The following MGAT5B variants were observed in gnomAD, a reference collection of about 807,000 sequenced individuals.
MGAT5B encodes the protein N-acetylglucosaminyl-transferase Vb.
MGAT5B carries 54 observed loss-of-function variants against 95.1 expected under a neutral mutation model. The observed-to-expected ratio is 0.57, with a 90% CI of 0.46 to 0.71. MGAT5B has a LOEUF of 0.71. Among genes scored for constraint, MGAT5B ranks in the 30% least tolerant of loss-of-function variants. The pLI, the probability that MGAT5B is intolerant of heterozygous loss-of-function variation, is 0.00. For synonymous variants in MGAT5B, 464 were observed against 451.0 expected, an observed-to-expected ratio of 1.03 and a Z score of -0.36; for missense variants, 935 against 1,088.6, an observed-to-expected ratio of 0.86 and a Z score of 1.99.
Position 76,906,156 on chromosome 17 carries a change from C to A in MGAT5B, c.994C>A (p.Arg332=), listed in dbSNP as rs751029852. 2 of 1,605,224 alleles carry A rather than the reference C, an allele frequency of 1.2e-6. No homozygotes were observed. The highest frequency in any genetic ancestry group is 1.7e-6 in the Non-Finnish European group (2 of 1,176,486). Residue 332 remains arginine (R), a synonymous_variant, in exon 8 of 18, where the codon CGG becomes AGG. Transcript: ENST00000569840. This position sits in a 1 kb window ranked among gnomAD's most constrained non-coding sequence, Gnocchi z 4.6. ...TALYVLGHGL[R]VTVSLKELQS... ...ACTCTATGTCCTGGGCCATGGCCTGCGGGTCACAGTCTCCCTGAAGGAGCT... is the reference window on the plus strand; with the variant it reads ...ACTCTATGTCCTGGGCCATGGCCTGAGGGTCACAGTCTCCCTGAAGGAGCT...
At chr17:76,902,218 A>G (rs487952) in intron 3 of MGAT5B, among the ~76,000 whole-genome samples, 92,566 of 152,018 alleles carry the variant, frequency 0.61, 31,338 homozygotes, top group East Asian at 0.95. Flanking sequence ...GAAGGTGGAC[A>G]TGAGGCCTGG....
At chr17:76,900,862 TGTGTGTGC>T (rs1968278473) in intron 3 of MGAT5B, among the ~76,000 whole-genome samples, 1 of 148,134 alleles carries the variant, frequency 6.8e-6, no homozygotes, top group African/African-American at 2.6e-5. Flanking sequence ...CAGACTGGAT[TGTGTGTGC>T]ATGTGTGCGT....
intron 3 of MGAT5B, among the ~76,000 whole-genome samples, chr17:76,896,761 G>A (rs1968076682): frequency 6.6e-6 from 1 of 152,198 alleles, no homozygotes; most frequent in South Asian, 2.1e-4. Flanking sequence ...AATGTGGAGA[G>A]TCACTGACCC....
chr17:76,912,211 T>C lies in MGAT5B; in HGVS notation c.1025+6024T>C, dbSNP rs1968763595. ...AGCCTGAAGAACTGGGGGTTAGGAC[T>C]TCAATATGTCAATGTTGGGGGTGGA... On this transcript the variant is annotated intron_variant, in intron 8 of 17. Coordinates refer to ENST00000569840, the MANE Select transcript of MGAT5B (RefSeq NM_001199172.2). The surrounding 1 kb of genome is among the most constrained non-coding windows in gnomAD (Gnocchi z 5.0). Among the ~76,000 whole-genome samples the C allele has an allele frequency of 6.6e-6, 1 of 152,192 alleles. No homozygotes were observed. Among genetic ancestry groups the C allele is most frequent in the Admixed American group, 6.5e-5 (1 of 15,278 alleles).
intron 2 of MGAT5B, among the ~76,000 whole-genome samples, chr17:76,877,329 T>TAAAA (rs34612127): frequency 9.0e-6 from 1 of 111,226 alleles, no homozygotes; most frequent in Non-Finnish European, 1.8e-5. Flanking sequence ...TGTCTCGGCT[T>TAAAA]AAAAAAAAAA....
intron 8 of MGAT5B, among the ~76,000 whole-genome samples, chr17:76,923,073 T>C (rs1598969069): frequency 6.6e-6 from 1 of 152,120 alleles, no homozygotes; most frequent in African/African-American, 2.4e-5. Flanking sequence ...TGTCGGCAGG[T>C]GACCAGAAAC....
chr17:76,946,425 G>A lies in MGAT5B; in HGVS notation c.1898G>A (p.Arg633Gln). Residue 633 changes from arginine (R) to glutamine (Q), a missense_variant, in exon 16 of 18, where the codon CGG (arginine) becomes CAG (glutamine). By Grantham distance (43) the Arg-to-Gln change is conservative. Coordinates refer to ENST00000569840, the MANE Select transcript of MGAT5B (RefSeq NM_001199172.2). ...TACACCTGCGAGGGGATGCTGGAGC[G>A]GATCCACGCCTACATCCAGCACCAG... ...YEYTCEGMLE[R>Q]IHAYIQHQDF... 8 of 1,603,024 alleles carry A rather than the reference G, an allele frequency of 5.0e-6. No homozygotes were observed. Among genetic ancestry groups the A allele is most frequent in the Non-Finnish European group, 6.8e-6 (8 of 1,174,226 alleles).
chr17:76,947,530 C>T (rs186303299), intron 16 of MGAT5B, among the ~76,000 whole-genome samples: 338 of 152,278 alleles, frequency 2.2e-3, no homozygotes, highest in Non-Finnish European at 4.2e-3. Context: ...ACCTGAGCAT[C>T]GAGGCAGCTC....
In MGAT5B at chr17:76,882,226, A is replaced by G. The variant is rs1568165598; in HGVS notation, c.257A>G (p.Asp86Gly). The G allele has an allele frequency of 1.2e-6, 2 of 1,613,700 alleles. No individual in the cohort carries two copies. The highest frequency in any genetic ancestry group is 1.7e-6 in the Non-Finnish European group (2 of 1,179,924). ...DLLELMVKRM[D>G]ALARLENSSE... ...CTGGAGCTGATGGTGAAGCGCATGG[A>G]CGCACTGGCCAGGCTGGAGAACAGC... Residue 86 changes from aspartate (D) to glycine (G), a missense_variant, in exon 3 of 18, where the codon GAC becomes GGC. Coordinates refer to ENST00000569840, the MANE Select transcript of MGAT5B (RefSeq NM_001199172.2).
chr17:76,936,167 G>T (rs1287465399), intron 12 of MGAT5B, among the ~76,000 whole-genome samples: 1 of 151,862 alleles, frequency 6.6e-6, no homozygotes, highest in African/African-American at 2.4e-5. Context: ...CAGAACTTTG[G>T]GAGGCCATGG....
chr17:76,940,801 A>G lies in MGAT5B; in HGVS notation c.1801A>G (p.Asn601Asp). The change falls in exon 15 of 18, where the codon AAC becomes GAC. Residue 601 changes from asparagine (N) to aspartate (D), a missense_variant. This residue lies in a region of MGAT5B where 440 missense variants were observed against 523.6 expected (regional missense o/e 0.84). Transcript: ENST00000569840. The surrounding 1 kb of genome is among the most constrained non-coding windows in gnomAD (Gnocchi z 4.3). ...CCACGTGTGGACAGTCGACTACAAC[A>G]ACTCAGAGGAGTTTGAAGCAGCCAT... ...KPHVWTVDYN[N>D]SEEFEAAIKA... 2 of 1,614,146 alleles carry G rather than the reference A, an allele frequency of 1.2e-6. No homozygotes were observed. The highest frequency in any genetic ancestry group is 1.7e-6 in the Non-Finnish European group (2 of 1,180,030).
intron 13 of MGAT5B, among the ~76,000 whole-genome samples, chr17:76,939,901 C>T (rs1321639230): frequency 6.6e-6 from 1 of 152,100 alleles, no homozygotes; most frequent in Admixed American, 6.5e-5. Flanking sequence ...ATGTACCATA[C>T]TTTCTTTATC....
rs556313802 is a variant in MGAT5B, at chr17:76,947,961, C to A, written c.2055C>A (p.Pro685=). The change falls in exon 17 of 18, where the codon CCC becomes CCA. Residue 685 remains proline, a synonymous_variant. Transcript: ENST00000569840. ...NTSLAPGAWP[P]AHALRAWLAV... is the part of the protein sequence containing the mutation. Reference sequence around the variant, plus strand: ...GCTTGGCTCCTGGGGCCTGGCCCCCCGCGCACGCCCTGCGGGCCTGGCTGG... The same window carrying A: ...GCTTGGCTCCTGGGGCCTGGCCCCCAGCGCACGCCCTGCGGGCCTGGCTGG... The A allele has an allele frequency of 1.2e-6, 2 of 1,612,278 alleles. No individual in the cohort carries two copies. The highest frequency in any genetic ancestry group is 8.5e-7 in the Non-Finnish European group (1 of 1,179,182).
intron 3 of MGAT5B, among the ~76,000 whole-genome samples, chr17:76,895,103 C>A (rs1052816943): frequency 6.6e-6 from 1 of 152,082 alleles, no homozygotes; most frequent in Admixed American, 6.6e-5. Flanking sequence ...ACTTGAGCTC[C>A]GCCTCCTGTC....
chr17:76,933,406 G>C (rs1413268784), intron 12 of MGAT5B, 109 bp downstream of exon 12: 20 of 1,421,586 alleles, frequency 1.4e-5, no homozygotes, highest in Non-Finnish European at 1.9e-5. Flanking sequence ...CAGGCTCTCT[G>C]GGGCTTGTGG....
chr17:76,943,388 AG>A (rs1171200402), intron 15 of MGAT5B, among the ~76,000 whole-genome samples: 2 of 151,574 alleles, frequency 1.3e-5, no homozygotes, highest in Non-Finnish European at 2.9e-5. Flanking sequence ...TCCGCATAAC[AG>A]CTCACCCCCT....
rs1217556857 is a variant in MGAT5B at position 76,889,646 on chromosome 17, A to C, written c.329+7348A>C. ...TGAAGTAATAATTATTAATCATCAT[A>C]ATAATTAATGATGATAATAATCAAT... is the stretch of plus-strand genomic sequence containing the variant. On this transcript the variant is annotated intron_variant, in intron 3 of 17. Transcript: ENST00000569840. The surrounding 1 kb of genome is among the most constrained non-coding windows in gnomAD (Gnocchi z 4.4). Among the ~76,000 whole-genome samples, 3 of 152,092 alleles carry C rather than the reference A, an allele frequency of 2.0e-5. 1 individual carries two copies. Among genetic ancestry groups the C allele is most frequent in the African/African-American group, 7.3e-5 (3 of 41,368 alleles).
chr17:76,929,056 G>A (rs948809278), intron 10 of MGAT5B, among the ~76,000 whole-genome samples: 1 of 152,094 alleles, frequency 6.6e-6, no homozygotes, highest in Non-Finnish European at 1.5e-5. Flanking sequence ...AGTAGAGAGA[G>A]GGTTTTACCT....
chr17:76,921,766 G>A (rs2145229842), intron 8 of MGAT5B, among the ~76,000 whole-genome samples: 1 of 152,324 alleles, frequency 6.6e-6, no homozygotes, highest in African/African-American at 2.4e-5. Flanking sequence ...CCTGGGAGAT[G>A]TGATCAAGTT....
Sources: gnomAD v4.1 joint callset for allele counts (sites outside exome capture counted in the v4.1 genomes callset) on GRCh38, gnomAD v4.1.1 for gene constraint, gnomAD v4.1.1 regional missense constraint, Gnocchi (gnomAD v3.1) non-coding constraint, MANE v1.5 for transcripts, NCBI Gene and HGNC (gene_info 2026-07-23, HGNC 2026-07-21) for gene names.